The following TNIK variants were observed in gnomAD, a reference collection of about 807,000 sequenced individuals.
TNIK encodes the protein TRAF2 and NCK interacting kinase, also known as TRAF2 and NCK-interacting protein kinase.
In TNIK, 49 loss-of-function variants were observed where a neutral mutation model predicts 191.3. The observed-to-expected ratio is 0.26, with a 90% CI of 0.20 to 0.32. TNIK has a LOEUF of 0.32. TNIK is among the 10% of genes least tolerant of loss of function. TNIK has a pLI of 1.00. For missense variants in TNIK, 1,155 were observed against 1,702.3 expected, an observed-to-expected ratio of 0.68 and a Z score of 5.66; for synonymous variants, 594 against 600.9, an observed-to-expected ratio of 0.99 and a Z score of 0.17.
intron 15 of TNIK, among the ~76,000 whole-genome samples, chr3:171,134,796 G>T (rs77377647): frequency 0.011 from 1,671 of 152,266 alleles, 27 homozygotes; most frequent in African/African-American, 0.038. Context: ...TTTACAAAAT[G>T]AAGAAACAAG....
intron 2 of TNIK, among the ~76,000 whole-genome samples, chr3:171,255,240 T>C (rs1361049225): frequency 6.6e-6 from 1 of 152,202 alleles, no homozygotes; most frequent in Non-Finnish European, 1.5e-5. Context: ...GAGAAACTAT[T>C]AATCATTACT....
intron 10 of TNIK, among the ~76,000 whole-genome samples, chr3:171,162,516 G>A (rs1231035127): frequency 6.6e-6 from 1 of 152,164 alleles, no homozygotes; most frequent in Admixed American, 6.5e-5. Flanking sequence ...CAGCAAAATG[G>A]GAAGCAGTTT....
chr3:171,316,095 GT>G (rs1349582512), intron 2 of TNIK, among the ~76,000 whole-genome samples: 2 of 152,100 alleles, frequency 1.3e-5, no homozygotes, highest in Non-Finnish European at 2.9e-5. Context: ...CATAGCTGCA[GT>G]TTTAGCTTTG....
At chr3:171,406,615 G>A (rs995882617) in intron 1 of TNIK, among the ~76,000 whole-genome samples, 1 of 152,016 alleles carries the variant, frequency 6.6e-6, no homozygotes, top group South Asian at 2.1e-4. Flanking sequence ...TTATTTTTCT[G>A]GTAGAGACAG....
At chr3:171,211,328 T>A in intron 3 of TNIK, 87 bp from the exon 4 acceptor site, 7 of 1,430,176 alleles carry the variant, frequency 4.9e-6, no homozygotes, top group Non-Finnish European at 6.6e-6. Context: ...AAATTTTTTC[T>A]TGTTTTTTCT....
intron 2 of TNIK, among the ~76,000 whole-genome samples, chr3:171,304,864 G>C (rs9839031): frequency 3.3e-5 from 5 of 152,000 alleles, no homozygotes; most frequent in East Asian, 3.9e-4. Flanking sequence ...GTTGTGGGGT[G>C]GGGGGAGTGG....
chr3:171,312,889 T>C lies in TNIK; in HGVS notation c.123+56731A>G, dbSNP rs558144171. On this transcript the variant is annotated intron_variant, in intron 2 of 32. Coordinates refer to ENST00000436636, the MANE Select transcript of TNIK (RefSeq NM_015028.4). ...CACAGGGCACCTCCTTGAGTATTCA[T>C]GGCAATTACTGATGCTTAAAGATGA... Among the ~76,000 whole-genome samples the C allele has an allele frequency of 1.6e-4, 25 of 152,260 alleles. 1 individual carries two copies. The South Asian group carries it at 5.2e-3, about 32-fold the overall frequency.
At chr3:171,071,387 T>G in intron 28 of TNIK, 64 bp from the exon 29 acceptor site, 1 of 1,130,108 alleles carries the variant, frequency 8.8e-7, no homozygotes, top group Admixed American at 2.4e-5. Context: ...GTATTAATAT[T>G]AATGAATGTA....
Position 171,376,781 on chromosome 3 carries a change from TAGATA to T in TNIK, c.58-7101_58-7097del, listed in dbSNP as rs1241232616. Reference sequence around the variant, plus strand: ...ATAGATAGATAGATAGATAGATAGATAGATAGATAGATGAGAGAGATATGGCTATA... The same window carrying T: ...ATAGATAGATAGATAGATAGATAGATGATAGATGAGAGAGATATGGCTATA... On this transcript the variant is annotated intron_variant, in intron 1 of 32. Coordinates refer to ENST00000436636, the MANE Select transcript of TNIK (RefSeq NM_015028.4). Among the ~76,000 whole-genome samples the T allele has an allele frequency of 2.6e-5, 4 of 151,068 alleles. 1 individual carries two copies. In the South Asian group the frequency reaches 6.2e-4, roughly 23 times the overall value.
intron 29 of TNIK, among the ~76,000 whole-genome samples, chr3:171,069,911 C>A (rs894453828): frequency 6.6e-6 from 1 of 152,208 alleles, no homozygotes; most frequent in Non-Finnish European, 1.5e-5. Context: ...TATGGGAAGG[C>A]TTGGCCTCTT....
chr3:171,320,695 C>A (rs1755080990), intron 2 of TNIK, among the ~76,000 whole-genome samples: 1 of 152,216 alleles, frequency 6.6e-6, no homozygotes, highest in African/African-American at 2.4e-5. Context: ...GGTCTTCTAA[C>A]AAAATACTAA....
intron 1 of TNIK, among the ~76,000 whole-genome samples, chr3:171,388,259 C>T (rs756477647): frequency 2.6e-5 from 4 of 152,158 alleles, no homozygotes; most frequent in Non-Finnish European, 5.9e-5. Context: ...CCAACAACCA[C>T]CACAGAAAGG....
chr3:171,388,842 T>C lies in TNIK; in HGVS notation c.58-19157A>G, dbSNP rs533871449. 2.0e-5 allele frequency among the ~76,000 whole-genome samples: 3 copies of C among 152,314 alleles called. No individual in the cohort carries two copies. In the South Asian group the frequency reaches 6.2e-4, roughly 32 times the overall value. ...TTGCCATGTATTGTAACTATGTGTT[T>C]AAGTGCCTAACTCCACCTCTAGACT... On this transcript the variant is annotated intron_variant, in intron 1 of 32. Transcript: ENST00000436636.
chr3:171,061,303 T>A lies in TNIK; in HGVS notation c.*2578A>T, dbSNP rs999484415. 3.3e-5 allele frequency: 5 copies of A among 152,224 alleles called. No homozygotes were observed. Among genetic ancestry groups the A allele is most frequent in the Non-Finnish European group, 5.9e-5 (4 of 68,036 alleles). The allele number at this position is 152,224 out of a possible 1,614,324, so 9.4% of individuals were successfully genotyped here. A position where few individuals can be genotyped will look rare whatever the true frequency, so the allele number is the denominator to read the frequency against. ...AAATTTGGATTTGCCTTGTACTCAG[T>A]GTAAAATATTAGTACAAAAATATAA... On this transcript the variant is annotated 3_prime_UTR_variant, in exon 33 of 33. Coordinates refer to ENST00000436636, the MANE Select transcript of TNIK (RefSeq NM_015028.4).
intron 15 of TNIK, among the ~76,000 whole-genome samples, chr3:171,136,767 A>G (rs1730043404): frequency 6.6e-6 from 1 of 152,366 alleles, no homozygotes; most frequent in Admixed American, 6.5e-5. Context: ...CATGCCTGCC[A>G]GCCAAGAAGC....
intron 10 of TNIK, among the ~76,000 whole-genome samples, chr3:171,165,793 T>C: frequency 6.6e-6 from 1 of 152,120 alleles, no homozygotes; most frequent in East Asian, 1.9e-4. Flanking sequence ...TGCTCAGCTT[T>C]CCAGCCTCAC....
At chr3:171,179,293 C>T (rs1736348621) in intron 7 of TNIK, among the ~76,000 whole-genome samples, 1 of 152,338 alleles carries the variant, frequency 6.6e-6, no homozygotes, top group Middle Eastern at 3.4e-3. Flanking sequence ...CCGTGTTTCT[C>T]TGGCCTAGCA....
intron 1 of TNIK, among the ~76,000 whole-genome samples, chr3:171,435,620 C>G (rs1359706098): frequency 1.3e-5 from 2 of 152,130 alleles, no homozygotes; most frequent in Non-Finnish European, 2.9e-5. Flanking sequence ...GTACCCCATA[C>G]CTTTTTGACA....
In TNIK at chr3:171,107,260, C is replaced by A. The variant is rs1725045324; in HGVS notation, c.2383-54G>T. ...AATCCACAGAAGGAGGAAAAGCCAG[C>A]AGAAAGGCAGCAGATTAGACACAAA... On this transcript the variant is annotated intron_variant, in intron 20 of 32. Coordinates refer to ENST00000436636, the MANE Select transcript of TNIK (RefSeq NM_015028.4). The A allele has an allele frequency of 2.6e-6, 4 of 1,564,216 alleles. 1 individual carries two copies. Among genetic ancestry groups the A allele is most frequent in the Admixed American group, 3.7e-5 (2 of 53,650 alleles).
Sources: gnomAD v4.1 joint callset for allele counts (sites outside exome capture counted in the v4.1 genomes callset) on GRCh38, gnomAD v4.1.1 for gene constraint, MANE v1.5 for transcripts, NCBI Gene and HGNC (gene_info 2026-07-23, HGNC 2026-07-21) for gene names.